ABCA12: variants seen among roughly 807,000 people sequenced by gnomAD.
The protein encoded by ABCA12 is ATP binding cassette subfamily A member 12.
Under a neutral mutation model 293.5 loss-of-function variants are expected in ABCA12, and 156 were observed. The ratio of observed to expected loss-of-function variants is 0.53; its 90% CI spans 0.47 to 0.61. The LOEUF is 0.61. Among genes scored for constraint, ABCA12 ranks in the 20% least tolerant of loss-of-function variants. ABCA12 has a pLI of 0.00. For synonymous variants in ABCA12, 1,063 were observed against 1,108.0 expected (o/e 0.96, Z 0.81); for missense variants, 2,797 against 3,090.2 (o/e 0.91, Z 2.25).
At chr2:215,009,487 G>A (rs1271264695) in intron 18 of ABCA12, among the ~76,000 whole-genome samples, 1 of 151,878 alleles carries the variant, frequency 6.6e-6, no homozygotes, top group African/African-American at 2.4e-5. Context: ...ACAAATAATT[G>A]TTTATTTAAA....
chr2:215,084,763 A>G (rs1702006300), intron 2 of ABCA12, among the ~76,000 whole-genome samples: 1 of 152,126 alleles, frequency 6.6e-6, no homozygotes, highest in African/African-American at 2.4e-5. Context: ...CCATATATAC[A>G]CCTGTCACAA....
At chr2:215,014,761 C>T (rs983665092) in intron 15 of ABCA12, among the ~76,000 whole-genome samples, 1 of 152,174 alleles carries the variant, frequency 6.6e-6, no homozygotes, top group African/African-American at 2.4e-5. Flanking sequence ...GTGGCTATGT[C>T]TCAAAAATAT....
In ABCA12 at chr2:215,037,233, A is replaced by G. The variant is rs183195110; in HGVS notation, c.873-168T>C. Among the ~76,000 whole-genome samples the G allele has an allele frequency of 2.0e-5, 3 of 152,310 alleles. No individual in the cohort carries two copies. The East Asian group carries it at 5.8e-4, about 29-fold the overall frequency. The stretch of plus-strand genomic sequence containing the variant: ...ACTTGTTTGTCTGTTCATGCACAAA[A>G]TCTCAACAAAATATTCTTAACCAGA... On this transcript the variant is annotated intron_variant, in intron 7 of 52. Coordinates refer to ENST00000272895, the MANE Select transcript of ABCA12 (RefSeq NM_173076.3).
chr2:214,942,882 G>A (rs547036929), intron 50 of ABCA12, 43 bp downstream of exon 50: 3 of 1,532,124 alleles, frequency 2.0e-6, no homozygotes, highest in Non-Finnish European at 2.7e-6. Context: ...CCATTAGATA[G>A]ATGACCCAAC....
In ABCA12 at chr2:215,026,935, G is replaced by A. The variant is rs186240226; in HGVS notation, c.1065C>T (p.Leu355=). 341 of 1,560,852 alleles carry A rather than the reference G, an allele frequency of 2.2e-4. 3 individuals carry two copies. The Admixed American group carries it at 5.5e-3, about 25-fold the overall frequency. ...TLSPSSLAAQ[L]LILENFEDAL... is the part of the protein sequence containing the mutation. Reference sequence around the variant, plus strand: ...CATCTTCAAAGTTTTCCAGAATTAGGAGCCTGCAGAATTAGAAAAGAATAT... The same window carrying A: ...CATCTTCAAAGTTTTCCAGAATTAGAAGCCTGCAGAATTAGAAAAGAATAT... Residue 355 remains leucine (L), a synonymous_variant, in exon 10 of 53, where the codon CTC becomes CTT. Transcript: ENST00000272895.
chr2:215,132,332 G>T (rs1381037560), intron 1 of ABCA12, among the ~76,000 whole-genome samples: 1 of 151,934 alleles, frequency 6.6e-6, no homozygotes, highest in Non-Finnish European at 1.5e-5. Context: ...AATATAAGTG[G>T]GGTGTTGAAG....
intron 33 of ABCA12, among the ~76,000 whole-genome samples, chr2:214,976,343 G>A (rs544510476): frequency 6.6e-6 from 1 of 152,234 alleles, no homozygotes; most frequent in Non-Finnish European, 1.5e-5. Context: ...TAGATACCTA[G>A]AATTTCATAA....
At chr2:215,061,550 T>G (rs1701528545) in intron 3 of ABCA12, among the ~76,000 whole-genome samples, 1 of 152,096 alleles carries the variant, frequency 6.6e-6, no homozygotes, top group Non-Finnish European at 1.5e-5. Flanking sequence ...GTTTATCCAG[T>G]AAAATATATG....
At position 214,980,415 on chromosome 2, in the gene ABCA12, T is replaced by A. The variant is rs1699620110; in HGVS notation, c.4740+68A>T. 1.9e-6 allele frequency: 3 copies of A among 1,591,878 alleles called. No homozygotes were observed. In the Admixed American group the frequency reaches 5.0e-5, roughly 27 times the overall value. Reference sequence around the variant, plus strand: ...TAGCAATGAATAAAGTTGGAGAGACTCTGCTCCTATTTCATATAAAACTTA... The same window carrying A: ...TAGCAATGAATAAAGTTGGAGAGACACTGCTCCTATTTCATATAAAACTTA... On this transcript the variant is annotated intron_variant, in intron 31 of 52. Coordinates refer to ENST00000272895, the MANE Select transcript of ABCA12 (RefSeq NM_173076.3).
chr2:214,978,513 C>A, intron 32 of ABCA12, 47 bp from the exon 33 acceptor site: 2 of 1,594,110 alleles, frequency 1.3e-6, no homozygotes, highest in South Asian at 2.2e-5. Flanking sequence ...AAGTGCATGT[C>A]TTTTCTCATT....
At chr2:215,055,758 C>A (rs1351974671) in intron 3 of ABCA12, among the ~76,000 whole-genome samples, 2 of 151,870 alleles carry the variant, frequency 1.3e-5, no homozygotes, top group Non-Finnish European at 2.9e-5. Context: ...TTCCAATATT[C>A]TCCATAAAAT....
chr2:215,061,912 G>T (rs990511858), intron 3 of ABCA12, among the ~76,000 whole-genome samples: 26 of 151,982 alleles, frequency 1.7e-4, no homozygotes, highest in African/African-American at 6.3e-4. Flanking sequence ...TTCTTTAGAG[G>T]GAACTATAGT....
chr2:215,078,091 G>A (rs983631624), intron 2 of ABCA12, among the ~76,000 whole-genome samples: 2 of 152,202 alleles, frequency 1.3e-5, no homozygotes, highest in African/African-American at 4.8e-5. Flanking sequence ...AACTCCTGAT[G>A]TGAATTCCCA....
At chr2:215,084,054 T>C (rs1234200497) in intron 2 of ABCA12, among the ~76,000 whole-genome samples, 1 of 152,074 alleles carries the variant, frequency 6.6e-6, no homozygotes, top group Non-Finnish European at 1.5e-5. Context: ...CATAGCTCAC[T>C]GCAGCCCCGA....
Position 215,011,496 on chromosome 2 carries a change from T to C in ABCA12, c.2275A>G (p.Thr759Ala). 6.2e-7 allele frequency: 1 copy of C among 1,614,032 alleles called. No homozygotes were observed. The highest frequency in any genetic ancestry group is 1.1e-5 in the South Asian group (1 of 91,078). Residue 759 changes from threonine to alanine, a missense_variant, in exon 17 of 53, where the codon ACT becomes GCT. Physicochemically the swap from Thr to Ala is moderately conservative, Grantham distance 58 (BLOSUM62 0). This residue lies in a region of ABCA12 where 2,130 missense variants were observed against 2,427.0 expected (regional missense o/e 0.88). Coordinates refer to ENST00000272895, the MANE Select transcript of ABCA12 (RefSeq NM_173076.3). ...ATTTGCTCTTTAGTTAATTTATAAG[T>C]CAAAAAATCCTTGGTGTGGTTGCCT... ...PKGNHTKDFLTYKLTKEQIAS... is the reference protein window; with the variant it reads ...PKGNHTKDFLAYKLTKEQIAS...
At position 215,093,789 on chromosome 2, in the gene ABCA12, C is replaced by T. The variant is rs570573570; in HGVS notation, c.163+17808G>A. 8.3e-4 allele frequency among the ~76,000 whole-genome samples: 126 copies of T among 152,316 alleles called. 1 individual carries two copies. Among genetic ancestry groups the T allele is most frequent in the African/African-American group, 2.9e-3 (122 of 41,556 alleles). Reference sequence around the variant, plus strand: ...CTCTTTGTTGAGTCTCCCACAATTACCATTGTTCCTGGCCCAGACTTCAAT... The same window carrying T: ...CTCTTTGTTGAGTCTCCCACAATTATCATTGTTCCTGGCCCAGACTTCAAT... On this transcript the variant is annotated intron_variant, in intron 2 of 52. Coordinates refer to ENST00000272895, the MANE Select transcript of ABCA12 (RefSeq NM_173076.3).
intron 15 of ABCA12, among the ~76,000 whole-genome samples, chr2:215,014,878 G>C (rs1700456863): frequency 1.3e-5 from 2 of 152,174 alleles, no homozygotes; most frequent in African/African-American, 4.8e-5. Context: ...GGTGAACATA[G>C]GTGCTTAATT....
At chr2:215,013,024 A>C (rs1398925593) in intron 15 of ABCA12, 1 of 152,170 alleles carries the variant, frequency 6.6e-6, no homozygotes, top group Non-Finnish European at 1.5e-5. Context: ...ATTTTAATGT[A>C]ATTTTTTTAT....
intron 1 of ABCA12, among the ~76,000 whole-genome samples, chr2:215,130,101 G>A (rs1575063019): frequency 1.3e-5 from 2 of 152,218 alleles, no homozygotes; most frequent in East Asian, 3.9e-4. Context: ...TTTTGTATCA[G>A]TATCATGCTG....
Sources: gnomAD v4.1 joint callset for allele counts (sites outside exome capture counted in the v4.1 genomes callset) on GRCh38, gnomAD v4.1.1 for gene constraint, gnomAD v4.1.1 regional missense constraint, MANE v1.5 for transcripts, NCBI Gene and HGNC (gene_info 2026-07-23, HGNC 2026-07-21) for gene names.